The following PLEKHH2 variants were observed in gnomAD, a reference collection of about 807,000 sequenced individuals.
PLEKHH2 encodes pleckstrin homology domain-containing family H member 2.
PLEKHH2 carries 129 observed loss-of-function variants against 187.9 expected under a neutral mutation model. That is an observed-to-expected ratio of 0.69 (90% CI 0.59 to 0.79). The LOEUF (loss-of-function observed/expected upper bound fraction) is 0.79. Among genes scored for constraint, PLEKHH2 ranks in the 30% least tolerant of loss-of-function variants. The probability of loss-of-function intolerance (pLI) is 0.00; values close to 1 mark genes in which losing one functional copy is unlikely to be tolerated. For synonymous variants in PLEKHH2, 686 were observed against 605.6 expected (o/e 1.13, Z -1.95); for missense variants, 2,076 against 1,751.2 (o/e 1.19, Z -3.31).
At chr2:43,723,399 G>C (rs1302420352) in intron 16 of PLEKHH2, among the ~76,000 whole-genome samples, 1 of 152,166 alleles carries the variant, frequency 6.6e-6, no homozygotes, top group Non-Finnish European at 1.5e-5. Flanking sequence ...CACCAAACTG[G>C]ACAAAGTGTA....
chr2:43,762,279 A>G (rs1672458675), intron 27 of PLEKHH2, 25 bp from the exon 28 acceptor site: 1 of 1,518,492 alleles, frequency 6.6e-7, no homozygotes, highest in Non-Finnish European at 9.1e-7. Flanking sequence ...TATTTATAAT[A>G]TAGTGTATTT....
At chr2:43,746,365 G>A (rs911852836) in intron 24 of PLEKHH2, among the ~76,000 whole-genome samples, 1 of 152,088 alleles carries the variant, frequency 6.6e-6, no homozygotes, top group Non-Finnish European at 1.5e-5. Flanking sequence ...CAAAAAATTA[G>A]CCAGGCATGG....
At chr2:43,754,217 T>C (rs989170371) in intron 25 of PLEKHH2, among the ~76,000 whole-genome samples, 41 of 143,890 alleles carry the variant, frequency 2.8e-4, no homozygotes, top group African/African-American at 1.0e-3. Context: ...AAATTAATAC[T>C]GACTTAATCA....
chr2:43,738,593 T>C, intron 20 of PLEKHH2, 73 bp downstream of exon 20: 3 of 1,369,500 alleles, frequency 2.2e-6, no homozygotes, highest in Non-Finnish European at 3.0e-6. Context: ...ATGATACACA[T>C]TCAGCATAGA....
chr2:43,743,729 T>C (rs766713716), intron 22 of PLEKHH2, 105 bp from the exon 23 acceptor site: 10 of 1,069,980 alleles, frequency 9.3e-6, no homozygotes, highest in Non-Finnish European at 1.1e-5. Flanking sequence ...TAGAAAAATA[T>C]GTTATCATTA....
At chr2:43,709,054 A>T (rs990712745) in intron 11 of PLEKHH2, among the ~76,000 whole-genome samples, 1 of 152,186 alleles carries the variant, frequency 6.6e-6, no homozygotes, top group South Asian at 2.1e-4. Context: ...TAAATCTCCA[A>T]TTGTAGTGAC....
chr2:43,707,572 G>T, intron 11 of PLEKHH2, 27 bp downstream of exon 11: 1 of 1,612,636 alleles, frequency 6.2e-7, no homozygotes, highest in East Asian at 2.2e-5. Context: ...GGCATATGAG[G>T]CAACTCCAGA....
rs1672647540 is a variant in PLEKHH2, at chr2:43,767,049, C to T, written c.*1451C>T. 6.6e-6 allele frequency: 1 copy of T among 152,552 alleles called. No homozygotes were observed. Among genetic ancestry groups the T allele is most frequent in the African/African-American group, 2.4e-5 (1 of 41,354 alleles). 9.4% of individuals were successfully genotyped at this position (152,552 alleles called of 1,614,324 possible). ...GTGTCACAACAGTGTAGTTCATATT[C>T]ATGATAAAAATGAAACTGTGATAAG... is the stretch of plus-strand genomic sequence containing the variant. On this transcript the variant is annotated 3_prime_UTR_variant, in exon 30 of 30. Transcript: ENST00000282406.
chr2:43,743,803 T>G, intron 22 of PLEKHH2, 31 bp from the exon 23 acceptor site: 1 of 1,578,666 alleles, frequency 6.3e-7, no homozygotes, highest in Non-Finnish European at 8.7e-7. Flanking sequence ...ATATTTCTTA[T>G]TAAGAGAACT....
chr2:43,687,069 G>C (rs185310805), intron 3 of PLEKHH2, among the ~76,000 whole-genome samples: 2 of 152,258 alleles, frequency 1.3e-5, no homozygotes, highest in East Asian at 3.9e-4. Flanking sequence ...GTGATGCTGA[G>C]GTTTGGGATA....
chr2:43,697,341 G>A lies in PLEKHH2; in HGVS notation c.673G>A (p.Gly225Arg), dbSNP rs1339805503. ...ISSKEPEFTEGKDMEEMEIPE... is the reference protein window; with the variant it reads ...ISSKEPEFTERKDMEEMEIPE... Reference sequence around the variant, plus strand: ...ATCGAAAGAACCTGAGTTCACTGAAGGAAAAGACATGGAAGGTATTTATGA... The same window carrying A: ...ATCGAAAGAACCTGAGTTCACTGAAAGAAAAGACATGGAAGGTATTTATGA... Residue 225 changes from glycine (G) to arginine (R), a missense_variant, in exon 7 of 30, where the codon GGA becomes AGA. Transcript: ENST00000282406. 6.2e-7 allele frequency: 1 copy of A among 1,609,566 alleles called. No individual in the cohort carries two copies. Among genetic ancestry groups the A allele is most frequent in the Admixed American group, 1.7e-5 (1 of 59,232 alleles).
At chr2:43,644,859 T>C in intron 2 of PLEKHH2, 63 bp downstream of exon 2, 1 of 1,451,840 alleles carries the variant, frequency 6.9e-7, no homozygotes, top group South Asian at 1.4e-5. Context: ...TTCATTTATA[T>C]TAAATAATCT....
At chr2:43,703,732 A>G (rs1438142966) in intron 8 of PLEKHH2, among the ~76,000 whole-genome samples, 1 of 152,188 alleles carries the variant, frequency 6.6e-6, no homozygotes, top group Non-Finnish European at 1.5e-5. Flanking sequence ...CTTCAAAATA[A>G]TTTATCAAAC....
chr2:43,736,230 A>G (rs1006680089), intron 19 of PLEKHH2, among the ~76,000 whole-genome samples: 1 of 152,190 alleles, frequency 6.6e-6, no homozygotes, highest in Non-Finnish European at 1.5e-5. Context: ...GTACAAAATA[A>G]GCAAAAAACA....
At chr2:43,672,463 G>T (rs1013577805) in intron 2 of PLEKHH2, among the ~76,000 whole-genome samples, 8 of 151,906 alleles carry the variant, frequency 5.3e-5, no homozygotes, top group African/African-American at 1.9e-4. Flanking sequence ...AATTCATTCA[G>T]ACTCTTGCAT....
intron 11 of PLEKHH2, among the ~76,000 whole-genome samples, chr2:43,708,829 A>G (rs1669801548): frequency 6.6e-6 from 1 of 152,180 alleles, no homozygotes; most frequent in South Asian, 2.1e-4. Flanking sequence ...CTTAGCCATG[A>G]CAATCACTGA....
At chr2:43,677,381 T>G (rs1408236303) in intron 2 of PLEKHH2, among the ~76,000 whole-genome samples, 2 of 152,240 alleles carry the variant, frequency 1.3e-5, no homozygotes, top group African/African-American at 4.8e-5. Flanking sequence ...GTACTTGAGA[T>G]TACGGAGTGG....
At chr2:43,681,195 G>C in intron 3 of PLEKHH2, 1 of 676,604 alleles carries the variant, frequency 1.5e-6, no homozygotes, top group East Asian at 2.5e-5. Flanking sequence ...ATTCCTCAAA[G>C]AATACAGAAA....
chr2:43,679,070 G>C (rs930311489), intron 3 of PLEKHH2, 145 bp downstream of exon 3: 2 of 488,596 alleles, frequency 4.1e-6, no homozygotes, highest in Admixed American at 3.8e-5. Flanking sequence ...AGAAAATGGA[G>C]AATCTAACTC....
Sources: gnomAD v4.1 joint callset for allele counts (sites outside exome capture counted in the v4.1 genomes callset) on GRCh38, gnomAD v4.1.1 for gene constraint, MANE v1.5 for transcripts, NCBI Gene and HGNC (gene_info 2026-07-23, HGNC 2026-07-21) for gene names.